AP1G2: variants seen among roughly 807,000 people sequenced by gnomAD.
AP1G2 encodes the protein adaptor related protein complex 1 subunit gamma 2.
Under a neutral mutation model 95.8 loss-of-function variants are expected in AP1G2, and 85 were observed. The ratio of observed to expected loss-of-function variants is 0.89; its 90% CI spans 0.74 to 1.06. AP1G2 has a LOEUF of 1.06. AP1G2 is among the 50% of genes least tolerant of loss of function. The pLI, the probability that AP1G2 is intolerant of heterozygous loss-of-function variation, is 0.00. For missense variants in AP1G2, 967 were observed against 1,005.8 expected (o/e 0.96, Z 0.52); for synonymous variants, 378 against 400.0 (o/e 0.94, Z 0.66).
rs759921934 is a variant in AP1G2 at position 23,563,852 on chromosome 14, C to T, written c.1096G>A (p.Ala366Thr). 3.7e-6 allele frequency: 6 copies of T among 1,613,650 alleles called. No homozygotes were observed. The highest frequency in any genetic ancestry group is 3.4e-6 in the Non-Finnish European group (4 of 1,179,714). Residue 366 changes from alanine (A) to threonine (T), a missense_variant, in exon 12 of 22, where the codon GCC (alanine) becomes ACC (threonine). Transcript: ENST00000397120. ...ACCAGAGCCAGGCTTAGTTCCAGGG[C>T]TCTCCTGGCAGGAGAAAGAGGTTTC... ...RETDASLSRRALELSLALVNS... is the reference protein window; with the variant it reads ...RETDASLSRRTLELSLALVNS...
intron 7 of AP1G2, 72 bp from the exon 8 acceptor site, chr14:23,565,271 T>A: frequency 4.7e-6 from 7 of 1,481,588 alleles, no homozygotes; most frequent in Non-Finnish European, 6.5e-6. Context: ...AGGAGAAAAC[T>A]CCAACATGTG....
Position 23,565,858 on chromosome 14 carries a change from C to A in AP1G2, c.603G>T (p.Glu201Asp). 6.3e-7 allele frequency: 1 copy of A among 1,577,770 alleles called. No homozygotes were observed. Among genetic ancestry groups the A allele is most frequent in the Non-Finnish European group, 8.6e-7 (1 of 1,162,416 alleles). Residue 201 changes from glutamate to aspartate, a missense_variant, in exon 6 of 22, where the codon GAG becomes GAT. Physicochemically the swap from Glu to Asp is conservative, Grantham distance 45. Coordinates refer to ENST00000397120, the MANE Select transcript of AP1G2 (RefSeq NM_003917.5). ...GGGCTGCAGGGCTTCGTTCGCAGAG[C>A]TCCGTGATCAGCGTGATGGTGCCCA... ...ILLGTITLIT[E>D]LCERSPAALR...
At chr14:23,566,826 CT>C in intron 2 of AP1G2, 140 bp from the exon 3 acceptor site, 1 of 1,313,604 alleles carries the variant, frequency 7.6e-7, no homozygotes, top group African/African-American at 1.5e-5. Context: ...AGAGGAGAAG[CT>C]TAGGAAATTC....
At position 23,566,685 on chromosome 14, in the gene AP1G2, A is replaced by C. The variant is rs147013829; in HGVS notation, c.206T>G (p.Met69Arg). The C allele has an allele frequency of 6.2e-7, 1 of 1,614,100 alleles. No homozygotes were observed. Among genetic ancestry groups the C allele is most frequent in the South Asian group, 1.1e-5 (1 of 91,078 alleles). ...MLGYPAHFGQ[M>R]ECLKLIASSR... is the part of the protein sequence containing the mutation. ...GGAGGCGATCAGTTTCAGGCACTCCATCTATAGTGAAGGGGGCAGACCAGG... is the reference window on the plus strand; with the variant it reads ...GGAGGCGATCAGTTTCAGGCACTCCCTCTATAGTGAAGGGGGCAGACCAGG... The change falls in exon 3 of 22, where the codon ATG becomes AGG. Residue 69 changes from methionine (M) to arginine (R), a missense_variant and splice_region_variant. Transcript: ENST00000397120.
chr14:23,565,847 C>A lies in AP1G2; in HGVS notation c.614G>T (p.Arg205Leu). 1 of 1,575,124 alleles carries A rather than the reference C, an allele frequency of 6.3e-7. No homozygotes were observed. The highest frequency in any genetic ancestry group is 1.2e-5 in the South Asian group (1 of 84,318). ...TITLITELCE[R>L]SPAALRHFRK... Reference sequence around the variant, plus strand: ...GAAGTGCCTGAGGGCTGCAGGGCTTCGTTCGCAGAGCTCCGTGATCAGCGT... The same window carrying A: ...GAAGTGCCTGAGGGCTGCAGGGCTTAGTTCGCAGAGCTCCGTGATCAGCGT... Residue 205 changes from arginine to leucine, a missense_variant, in exon 6 of 22, where the codon CGA becomes CTA. By Grantham distance (102) the Arg-to-Leu change is moderately radical. Transcript: ENST00000397120.
chr14:23,566,070 G>A lies in AP1G2; in HGVS notation c.562C>T (p.His188Tyr), dbSNP rs761389673. Residue 188 changes from histidine to tyrosine, a missense_variant, in exon 5 of 22, where the codon CAC becomes TAC. Coordinates refer to ENST00000397120, the MANE Select transcript of AP1G2 (RefSeq NM_003917.5). The stretch of plus-strand genomic sequence containing the variant: ...GGGGGCCCCACAGCCTTACCATGGT[G>A]ACGCTCATGAAGCAGTTGGGCACAG... ...PPCAQLLHER[H>Y]HGILLGTITL... 4 of 1,614,180 alleles carry A rather than the reference G, an allele frequency of 2.5e-6. No individual in the cohort carries two copies. In the South Asian group the frequency reaches 3.3e-5, roughly 13 times the overall value.
At position 23,564,348 on chromosome 14, in the gene AP1G2, C is replaced by G. The variant is rs775544782; in HGVS notation, c.962G>C (p.Ser321Thr). 1.3e-5 allele frequency: 21 copies of G among 1,614,082 alleles called. No individual in the cohort carries two copies. The highest frequency in any genetic ancestry group is 1.6e-5 in the Non-Finnish European group (19 of 1,180,054). Reference sequence around the variant, plus strand: ...GGACTATTACCTAATGTTCCTGTCACTGTTGAGTAGGAAGCGACCAAGAAT... The same window carrying G: ...GGACTATTACCTAATGTTCCTGTCAGTGTTGAGTAGGAAGCGACCAAGAAT... ...VNILGRFLLN[S>T]DRNIRYVALT... Residue 321 changes from serine to threonine, a missense_variant, in exon 10 of 22, where the codon AGT becomes ACT. Transcript: ENST00000397120.
intron 7 of AP1G2, chr14:23,565,402 AT>A: frequency 1.4e-6 from 1 of 708,430 alleles, no homozygotes; most frequent in Non-Finnish European, 2.3e-6. Flanking sequence ...TAAAAAAAAA[AT>A]TGTTAACAAA....
In AP1G2 at chr14:23,567,128, G is replaced by C. The variant is rs779392327; in HGVS notation, c.187C>G (p.Pro63Ala). The C allele has an allele frequency of 8.7e-6, 14 of 1,611,288 alleles. No individual in the cohort carries two copies. In the South Asian group the frequency reaches 1.5e-4, roughly 18 times the overall value. The change falls in exon 2 of 22, where the codon CCC becomes GCC. Residue 63 changes from proline to alanine, a missense_variant. Physicochemically the swap from Pro to Ala is conservative, Grantham distance 27. Coordinates refer to ENST00000397120, the MANE Select transcript of AP1G2 (RefSeq NM_003917.5). The surrounding 1 kb of genome is among the most constrained non-coding windows in gnomAD (Gnocchi z 5.3). ...GCCAGTACCTGTCCAAAGTGGGCGG[G>C]GTAGCCCAACATGTGGACGTAGAGC... ...KLLYVHMLGY[P>A]AHFGQMECLK...
rs1883304704 is a variant in AP1G2, at chr14:23,559,977, A to G, written c.2217T>C (p.Leu739=). The G allele has an allele frequency of 1.2e-6, 2 of 1,613,244 alleles. No homozygotes were observed. Among genetic ancestry groups the G allele is most frequent in the Admixed American group, 1.7e-5 (1 of 59,926 alleles). ...SGNTVPARGG[L]PITQLFRILN... ...GGATTCTGAAGAGCTGGGTGATAGG[A>G]AGGCCACCCCGAGCTGGAACTGTGT... Residue 739 remains leucine, a synonymous_variant, in exon 21 of 22, where the codon CTT becomes CTC. Coordinates refer to ENST00000397120, the MANE Select transcript of AP1G2 (RefSeq NM_003917.5).
chr14:23,561,317 GA>G lies in AP1G2; in HGVS notation c.1971del (p.Cys659ValfsTer22). ...PGGALVHLLD[L>X]PCVPPPPAPI... ...TTACCTGGGGGTGGAGGTACACAGG[GA>G]AGGTCAAGCAGGTGTACCAGGGCAC... On this transcript the variant is annotated frameshift_variant, in exon 19 of 22. Coordinates refer to ENST00000397120, the MANE Select transcript of AP1G2 (RefSeq NM_003917.5). LOFTEE classifies it high-confidence loss of function. The G allele has an allele frequency of 6.4e-7, 1 of 1,551,128 alleles. No homozygotes were observed.
chr14:23,567,534 C>A lies in AP1G2; in HGVS notation c.-6+205G>T, dbSNP rs969453981. 1.5e-6 allele frequency: 2 copies of A among 1,354,646 alleles called. No homozygotes were observed. Among genetic ancestry groups the A allele is most frequent in the Admixed American group, 3.9e-5 (1 of 25,668 alleles). 83.9% of individuals were successfully genotyped at this position (1,354,646 alleles called of 1,614,324 possible). ...CGCATGCGTCCGCACCCCACCGGCG[C>A]CCCTTCCTATTGAGCATGCGCGGGA... On this transcript the variant is annotated intron_variant, in intron 1 of 21. Coordinates refer to ENST00000397120, the MANE Select transcript of AP1G2 (RefSeq NM_003917.5). This position sits in a 1 kb window ranked among gnomAD's most constrained non-coding sequence, Gnocchi z 5.3.
intron 14 of AP1G2, chr14:23,562,973 C>A: frequency 4.8e-6 from 4 of 831,014 alleles, no homozygotes; most frequent in Non-Finnish European, 6.4e-6. Context: ...GAGAGGGTCC[C>A]TCCCTTGTGG....
At chr14:23,566,820 GAGA>G (rs2139398220) in intron 2 of AP1G2, 134 bp from the exon 3 acceptor site, 1 of 1,334,594 alleles carries the variant, frequency 7.5e-7, no homozygotes, top group South Asian at 1.4e-5. Flanking sequence ...TCAACAAGAG[GAGA>G]AGCTTAGGAA....
In AP1G2 at chr14:23,564,384, A is replaced by G. The variant is rs764901611; in HGVS notation, c.926T>C (p.Leu309Pro). The G allele has an allele frequency of 1.9e-6, 3 of 1,614,186 alleles. No homozygotes were observed. Among genetic ancestry groups the G allele is most frequent in the African/African-American group, 2.7e-5 (2 of 75,044 alleles). Reference protein sequence around the residue: ...DIRSAAGLRVLAVNILGRFLL... With the variant: ...DIRSAAGLRVPAVNILGRFLL... Reference sequence around the variant, plus strand: ...GAAGCGACCAAGAATGTTGACAGCTAGAACCTATGAGAGGCAGAAGTTGGG... The same window carrying G: ...GAAGCGACCAAGAATGTTGACAGCTGGAACCTATGAGAGGCAGAAGTTGGG... The change falls in exon 10 of 22, where the codon CTA becomes CCA. Residue 309 changes from leucine (L) to proline (P), a missense_variant. By Grantham distance (98) the Leu-to-Pro change is moderately conservative. Transcript: ENST00000397120.
chr14:23,565,824 A>C lies in AP1G2; in HGVS notation c.637T>G (p.Phe213Val). 1 of 1,581,330 alleles carries C rather than the reference A, an allele frequency of 6.3e-7. No individual in the cohort carries two copies. Among genetic ancestry groups the C allele is most frequent in the Non-Finnish European group, 8.6e-7 (1 of 1,163,150 alleles). The part of the protein sequence containing the change: ...CERSPAALRH[F>V]RKVVPQLVHI... Reference sequence around the variant, plus strand: ...CCCCTTCACCAGCCCACCTTTCGGAAGTGCCTGAGGGCTGCAGGGCTTCGT... The same window carrying C: ...CCCCTTCACCAGCCCACCTTTCGGACGTGCCTGAGGGCTGCAGGGCTTCGT... The change falls in exon 6 of 22, where the codon TTC becomes GTC. Residue 213 changes from phenylalanine (F) to valine (V), a missense_variant. Phe to Val is a conservative substitution (Grantham distance 50, BLOSUM62 -1). Coordinates refer to ENST00000397120, the MANE Select transcript of AP1G2 (RefSeq NM_003917.5).
intron 14 of AP1G2, 104 bp from the exon 15 acceptor site, chr14:23,562,697 G>T: frequency 8.9e-7 from 1 of 1,120,374 alleles, no homozygotes; most frequent in Non-Finnish European, 1.3e-6. Context: ...GAGACCAGGA[G>T]TTCAAGACCA....
In AP1G2 at chr14:23,560,237, ACT is replaced by A. The variant is rs752565773; in HGVS notation, c.2157+16_2157+17del. The A allele has an allele frequency of 6.2e-7, 1 of 1,612,424 alleles. No individual in the cohort carries two copies. Among genetic ancestry groups the A allele is most frequent in the South Asian group, 1.1e-5 (1 of 90,962 alleles). On this transcript the variant is annotated intron_variant, in intron 20 of 21. Transcript: ENST00000397120. ...CCTGGAGTCCCCAGGCCACCTCTGA[ACT>A]CTGATCTTTACAAACCTTGGGCACA...
chr14:23,561,491 C>T (rs771827187), intron 18 of AP1G2, 21 bp downstream of exon 18: 11 of 1,614,006 alleles, frequency 6.8e-6, no homozygotes, highest in Middle Eastern at 1.6e-4. Flanking sequence ...CTTCCTACCC[C>T]AGAGTTTCTA....
Sources: allele counts gnomAD v4.1 joint callset, GRCh38; gene constraint gnomAD v4.1.1; non-coding constraint Gnocchi (gnomAD v3.1); transcripts MANE v1.5; gene names NCBI Gene and HGNC (gene_info 2026-07-23, HGNC 2026-07-21).